BMPR1B: variants seen among roughly 807,000 people sequenced by gnomAD.
BMPR1B encodes bone morphogenetic protein receptor type 1B.
Under a neutral mutation model 59.1 loss-of-function variants are expected in BMPR1B, and 12 were observed. That is an observed-to-expected ratio of 0.20 (90% CI 0.13 to 0.33). The LOEUF is 0.33. Among genes scored for constraint, BMPR1B ranks in the 10% least tolerant of loss-of-function variants. The pLI, the probability that BMPR1B is intolerant of heterozygous loss-of-function variation, is 1.00. For missense variants in BMPR1B, 550 were observed against 610.9 expected (o/e 0.90, Z 1.05); for synonymous variants, 237 against 207.3 (o/e 1.14, Z -1.23).
At chr4:94,846,687 T>TC (rs1473873784) in intron 1 of BMPR1B, among the ~76,000 whole-genome samples, 2 of 152,040 alleles carry the variant, frequency 1.3e-5, no homozygotes, top group Non-Finnish European at 2.9e-5. Context: ...CTTAATGAAC[T>TC]CCCCTTTATA....
At chr4:95,144,023 A>G (rs1282752068) in intron 10 of BMPR1B, among the ~76,000 whole-genome samples, 1 of 150,758 alleles carries the variant, frequency 6.6e-6, no homozygotes, top group Non-Finnish European at 1.5e-5. Context: ...TTTTACCCCT[A>G]CAGGGCTTAG....
chr4:95,093,330 AAG>A, intron 3 of BMPR1B, among the ~76,000 whole-genome samples: 1 of 152,218 alleles, frequency 6.6e-6, no homozygotes, highest in East Asian at 1.9e-4. Flanking sequence ...AGTAAAACCT[AAG>A]GGAAAGGCTA....
chr4:94,963,488 A>G (rs1448857520), intron 2 of BMPR1B, among the ~76,000 whole-genome samples: 1 of 152,138 alleles, frequency 6.6e-6, no homozygotes, highest in African/African-American at 2.4e-5. Context: ...CTTACATTTA[A>G]GTTTTTAATC....
At position 94,849,141 on chromosome 4, in the gene BMPR1B, G is replaced by T. The variant is rs768375801; in HGVS notation, c.-182-26690G>T. Among the ~76,000 whole-genome samples, 15 of 152,192 alleles carry T rather than the reference G, an allele frequency of 9.9e-5. 1 individual carries two copies. The highest frequency in any genetic ancestry group is 1.8e-4 in the Non-Finnish European group (12 of 68,030). On this transcript the variant is annotated intron_variant, in intron 1 of 12. Transcript: ENST00000515059. ...GAATGTAGATAGAAAGCAGTATGAG[G>T]ACTGAGCCCAGAGCACTCCAAGGTT...
chr4:94,953,748 C>A (rs1730038648), intron 2 of BMPR1B, among the ~76,000 whole-genome samples: 1 of 152,044 alleles, frequency 6.6e-6, no homozygotes. Flanking sequence ...GGTTGCCGTT[C>A]TCGAGGAGTA....
At chr4:95,071,015 A>C (rs1273332954) in intron 3 of BMPR1B, among the ~76,000 whole-genome samples, 1 of 152,090 alleles carries the variant, frequency 6.6e-6, no homozygotes, top group Non-Finnish European at 1.5e-5. Flanking sequence ...ATACTAAAAC[A>C]CTCAGAATCC....
intron 2 of BMPR1B, among the ~76,000 whole-genome samples, chr4:94,910,670 G>A (rs1728237817): frequency 1.3e-5 from 2 of 152,082 alleles, no homozygotes; most frequent in South Asian, 4.2e-4. Flanking sequence ...TACTTTGAGA[G>A]GCCCAGGCAG....
At chr4:95,096,764 A>ACTATATAT (rs1730418713) in intron 3 of BMPR1B, among the ~76,000 whole-genome samples, 3 of 138,498 alleles carry the variant, frequency 2.2e-5, no homozygotes, top group South Asian at 2.2e-4. Flanking sequence ...GTTATATATA[A>ACTATATAT]CTATGTATAG....
intron 1 of BMPR1B, among the ~76,000 whole-genome samples, chr4:94,788,246 G>A (rs1045921217): frequency 1.3e-5 from 2 of 152,108 alleles, no homozygotes; most frequent in Non-Finnish European, 2.9e-5. Context: ...TATTCACTTT[G>A]AGCTTATGAC....
chr4:95,015,860 T>C (rs944489323), intron 3 of BMPR1B, among the ~76,000 whole-genome samples: 3 of 152,126 alleles, frequency 2.0e-5, no homozygotes, highest in Non-Finnish European at 2.9e-5. Context: ...GCCCAGCTCA[T>C]TTTTGTATTT....
intron 10 of BMPR1B, among the ~76,000 whole-genome samples, chr4:95,140,982 A>G (rs2149316127): frequency 6.6e-6 from 1 of 152,276 alleles, no homozygotes; most frequent in South Asian, 2.1e-4. Flanking sequence ...TAATTCAGAC[A>G]TTTACTTGGC....
Position 95,131,347 on chromosome 4 carries a change from T to C in BMPR1B, c.911T>C (p.Leu304Ser). 6.2e-7 allele frequency: 1 copy of C among 1,614,084 alleles called. No individual in the cohort carries two copies. The highest frequency in any genetic ancestry group is 8.5e-7 in the Non-Finnish European group (1 of 1,179,992). ...CTAGACGCTAAATCAATGCTGAAGT[T>C]AGCCTACTCTTCTGTCAGTGGCTTA... ...TTLDAKSMLK[L>S]AYSSVSGLCH... Residue 304 changes from leucine (L) to serine (S), a missense_variant, in exon 10 of 13, where the codon TTA (leucine) becomes TCA (serine). Around this residue, in one of 6 missense-constraint regions of BMPR1B, gnomAD observed 318 missense variants for 284.6 expected, o/e 1.12. Transcript: ENST00000515059.
At chr4:95,002,939 T>C (rs1303046672) in intron 3 of BMPR1B, among the ~76,000 whole-genome samples, 1 of 152,020 alleles carries the variant, frequency 6.6e-6, no homozygotes. Context: ...TTTATATACT[T>C]ATTCTTTTTT....
At chr4:95,125,951 A>T (rs1379031561) in intron 8 of BMPR1B, among the ~76,000 whole-genome samples, 1 of 152,112 alleles carries the variant, frequency 6.6e-6, no homozygotes, top group African/African-American at 2.4e-5. Context: ...GGGCTCTAGC[A>T]TCACCTTTGA....
chr4:95,041,110 G>A (rs1225358690), intron 3 of BMPR1B, among the ~76,000 whole-genome samples: 2 of 152,080 alleles, frequency 1.3e-5, no homozygotes, highest in African/African-American at 2.4e-5. Flanking sequence ...ACATTGGCAC[G>A]ATCATGGCTC....
intron 3 of BMPR1B, among the ~76,000 whole-genome samples, chr4:95,065,812 C>T (rs931092385): frequency 1.9e-4 from 29 of 151,990 alleles, no homozygotes; most frequent in Non-Finnish European, 3.4e-4. Context: ...CTGCAATGAA[C>T]GTTGTTTGCT....
intron 3 of BMPR1B, among the ~76,000 whole-genome samples, chr4:95,058,898 A>G (rs1727131403): frequency 6.6e-6 from 1 of 152,192 alleles, no homozygotes; most frequent in South Asian, 2.1e-4. Context: ...GCACTTTTTT[A>G]TGGCGCTGAA....
At chr4:95,112,848 A>G (rs1382382663) in intron 4 of BMPR1B, among the ~76,000 whole-genome samples, 2 of 152,088 alleles carry the variant, frequency 1.3e-5, no homozygotes, top group Non-Finnish European at 2.9e-5. Flanking sequence ...TTTATTCTTA[A>G]CAGTTGCCTA....
chr4:95,077,916 T>C (rs2149229603), intron 3 of BMPR1B, among the ~76,000 whole-genome samples: 2 of 152,310 alleles, frequency 1.3e-5, no homozygotes, highest in South Asian at 4.1e-4. Flanking sequence ...GTGAATTGAA[T>C]ATGGCACACA....
Sources: allele counts gnomAD v4.1 joint callset (sites outside exome capture counted in the v4.1 genomes callset), GRCh38; gene constraint gnomAD v4.1.1; regional missense constraint gnomAD v4.1.1; transcripts MANE v1.5; gene names NCBI Gene and HGNC (gene_info 2026-07-23, HGNC 2026-07-21).